PAPPA: variants seen among roughly 807,000 people sequenced by gnomAD.
PAPPA encodes the protein pappalysin-1.
Under a neutral mutation model 164.0 loss-of-function variants are expected in PAPPA, and 60 were observed. That is an observed-to-expected ratio of 0.37 (90% CI 0.30 to 0.45). The LOEUF is 0.45. PAPPA is among the 20% of genes least tolerant of loss of function. The pLI is 1.00. For synonymous variants in PAPPA, 875 were observed against 814.1 expected, an observed-to-expected ratio of 1.07 and a Z score of -1.27; for missense variants, 1,782 against 2,087.3, an observed-to-expected ratio of 0.85 and a Z score of 2.85.
chr9:116,266,022 G>GCCCCC, intron 8 of PAPPA, 37 bp downstream of exon 8: 7 of 1,465,934 alleles, frequency 4.8e-6, no homozygotes, highest in Non-Finnish European at 4.7e-6. Flanking sequence ...GAGGAGGGAT[G>GCCCCC]CTGGTTAGGT....
At chr9:116,283,768 A>C (rs1845296381) in intron 9 of PAPPA, among the ~76,000 whole-genome samples, 1 of 152,186 alleles carries the variant, frequency 6.6e-6, no homozygotes, top group South Asian at 2.1e-4. Flanking sequence ...CCAAAACCAC[A>C]TGTATAGCTT....
At chr9:116,295,566 A>AAAAAGAAAAG (rs1554749298) in intron 9 of PAPPA, among the ~76,000 whole-genome samples, 1 of 150,152 alleles carries the variant, frequency 6.7e-6, no homozygotes, top group African/African-American at 2.5e-5. Context: ...AAAAAAAAAA[A>AAAAAGAAAAG]AAAAGAAAAG....
intron 7 of PAPPA, among the ~76,000 whole-genome samples, chr9:116,265,029 C>T (rs543896281): frequency 1.3e-5 from 2 of 152,026 alleles, no homozygotes; most frequent in African/African-American, 2.4e-5. Context: ...CTTGGAATTG[C>T]GATTCCCAGG....
chr9:116,374,188 G>GTGATGA (rs376081682), intron 19 of PAPPA, among the ~76,000 whole-genome samples: 5 of 108,258 alleles, frequency 4.6e-5, no homozygotes, highest in Non-Finnish European at 1.0e-4. Context: ...GATGATGGTG[G>GTGATGA]TGATGATGAT....
intron 19 of PAPPA, among the ~76,000 whole-genome samples, chr9:116,372,707 C>T (rs1846591182): frequency 6.6e-6 from 1 of 150,738 alleles, no homozygotes; most frequent in South Asian, 2.1e-4. Context: ...ATAATAGCTT[C>T]TGAAAAAAAA....
intron 12 of PAPPA, among the ~76,000 whole-genome samples, chr9:116,333,319 A>C (rs1256504661): frequency 6.6e-6 from 1 of 152,170 alleles, no homozygotes; most frequent in East Asian, 1.9e-4. Flanking sequence ...ATTATTTGAC[A>C]CTGTTGTAAC....
Position 116,172,418 on chromosome 9 carries a change from G to A in PAPPA, c.416-14736G>A, listed in dbSNP as rs1289288594. 3.9e-5 allele frequency among the ~76,000 whole-genome samples: 6 copies of A among 152,226 alleles called. No individual in the cohort carries two copies. In the South Asian group the frequency reaches 1.0e-3, roughly 26 times the overall value. Reference sequence around the variant, plus strand: ...AACATTTTGGAATGCATAATTCCTTGTTGTGGAGTTTGACAGCATCCCTGG... The same window carrying A: ...AACATTTTGGAATGCATAATTCCTTATTGTGGAGTTTGACAGCATCCCTGG... On this transcript the variant is annotated intron_variant, in intron 1 of 21. Coordinates refer to ENST00000328252, the MANE Select transcript of PAPPA (RefSeq NM_002581.5).
chr9:116,394,550 CCT>C (rs1846937211), intron 21 of PAPPA, among the ~76,000 whole-genome samples: 1 of 152,130 alleles, frequency 6.6e-6, no homozygotes, highest in African/African-American at 2.4e-5. Context: ...CCTCAGTTTC[CCT>C]GTTTGGACTG....
chr9:116,236,586 CAAAAA>C (rs35004875), intron 7 of PAPPA, among the ~76,000 whole-genome samples: 1 of 84,762 alleles, frequency 1.2e-5, no homozygotes. Context: ...AACTCCATCT[CAAAAA>C]AAAAAAAAAA....
At chr9:116,303,104 GT>G (rs1845600270) in intron 10 of PAPPA, among the ~76,000 whole-genome samples, 154 bp downstream of exon 10, 1 of 152,198 alleles carries the variant, frequency 6.6e-6, no homozygotes, top group South Asian at 2.1e-4. Flanking sequence ...AATACCATTT[GT>G]AAAAGATTAG....
At chr9:116,289,004 C>T (rs1029851012) in intron 9 of PAPPA, 2 of 151,512 alleles carry the variant, frequency 1.3e-5, no homozygotes, top group Non-Finnish European at 2.9e-5. Context: ...GTCCTTGGCC[C>T]ACTGGTAGAC....
At chr9:116,191,226 A>T (rs1327972130) in intron 2 of PAPPA, among the ~76,000 whole-genome samples, 4 of 152,176 alleles carry the variant, frequency 2.6e-5, no homozygotes, top group Non-Finnish European at 1.5e-5. Flanking sequence ...TGAGTAATAG[A>T]TGATATCATC....
At chr9:116,359,328 T>C (rs1379737606) in intron 17 of PAPPA, among the ~76,000 whole-genome samples, 1 of 152,218 alleles carries the variant, frequency 6.6e-6, no homozygotes, top group African/African-American at 2.4e-5. Flanking sequence ...CGTGGATCTG[T>C]GTAGCTAAAG....
chr9:116,398,850 G>GTATT lies in PAPPA; in HGVS notation c.*2235_*2238dup, dbSNP rs1367624275. ...AAATTATTAGCAAGAAATAAGAATA[G>GTATT]TATTAGAAGAATTGATCCTATTTTG... On this transcript the variant is annotated 3_prime_UTR_variant, in exon 22 of 22. Coordinates refer to ENST00000328252, the MANE Select transcript of PAPPA (RefSeq NM_002581.5). The GTATT allele has an allele frequency of 5.4e-6, 2 of 369,320 alleles. No homozygotes were observed. Among genetic ancestry groups the GTATT allele is most frequent in the African/African-American group, 4.3e-5 (2 of 47,026 alleles). The allele number at this position is 369,320 out of a possible 1,614,324, so 22.9% of individuals were successfully genotyped here. A position where few individuals can be genotyped will look rare whatever the true frequency, so the allele number is the denominator to read the frequency against.
chr9:116,304,857 C>T (rs1265766071), intron 10 of PAPPA, among the ~76,000 whole-genome samples: 1 of 152,066 alleles, frequency 6.6e-6, no homozygotes, highest in Non-Finnish European at 1.5e-5. Flanking sequence ...GGTTCCATTA[C>T]TCTGGGCTTG....
intron 1 of PAPPA, among the ~76,000 whole-genome samples, chr9:116,181,863 C>A (rs942177216): frequency 3.3e-5 from 5 of 152,226 alleles, no homozygotes; most frequent in African/African-American, 9.6e-5. Context: ...TAATAAAGAA[C>A]CATCAATTCT....
At chr9:116,246,434 A>G (rs1041861972) in intron 7 of PAPPA, among the ~76,000 whole-genome samples, 4 of 152,146 alleles carry the variant, frequency 2.6e-5, no homozygotes, top group African/African-American at 9.7e-5. Flanking sequence ...AATTTTTCTT[A>G]TTTAATCCTT....
intron 4 of PAPPA, among the ~76,000 whole-genome samples, chr9:116,217,466 A>G (rs1192831540): frequency 2.0e-5 from 3 of 152,222 alleles, no homozygotes; most frequent in Admixed American, 6.5e-5. Context: ...TATTTTCACC[A>G]TTATAAATTA....
At chr9:116,339,470 G>C (rs893987870) in intron 13 of PAPPA, among the ~76,000 whole-genome samples, 5 of 152,084 alleles carry the variant, frequency 3.3e-5, no homozygotes, top group African/African-American at 1.2e-4. Context: ...GAAATCCAGG[G>C]TAAAGAACCT....
Sources: gnomAD v4.1 joint callset for allele counts (sites outside exome capture counted in the v4.1 genomes callset) on GRCh38, gnomAD v4.1.1 for gene constraint, MANE v1.5 for transcripts, NCBI Gene and HGNC (gene_info 2026-07-23, HGNC 2026-07-21) for gene names.